Variants in ZFP64 observed in about 807,000 individuals in gnomAD.
ZFP64 encodes the protein ZFP64 zinc finger protein, also known as zinc finger protein 64.
Under a neutral mutation model 51.6 loss-of-function variants are expected in ZFP64, and 14 were observed. The observed-to-expected ratio is 0.27, with a 90% CI of 0.18 to 0.42. The LOEUF is 0.42. ZFP64 is among the 10% of genes least tolerant of loss of function. The pLI is 1.00. For missense variants in ZFP64, 754 were observed against 906.8 expected (o/e 0.83, Z 2.16); for synonymous variants, 375 against 361.4 (o/e 1.04, Z -0.43).
chr20:52,108,718 C>G (rs1251265165), intron 5 of ZFP64, among the ~76,000 whole-genome samples: 1 of 151,952 alleles, frequency 6.6e-6, no homozygotes, highest in Non-Finnish European at 1.5e-5. Context: ...CCATGTCGGC[C>G]AGGCTGGTCT....
At chr20:52,098,001 G>A (rs2079009203) in intron 6 of ZFP64, among the ~76,000 whole-genome samples, 1 of 152,008 alleles carries the variant, frequency 6.6e-6, no homozygotes. Flanking sequence ...CCAGTGAGTT[G>A]GAGGCTGCAG....
At chr20:52,147,771 T>C (rs1980595224), downstream of ZFP64, among the ~76,000 whole-genome samples, 2 of 152,058 alleles carry the variant, frequency 1.3e-5, no homozygotes, top group Admixed American at 1.3e-4. Context: ...TCCCAGCACT[T>C]TGGGAGGCCG....
chr20:52,099,499 C>T (rs746654654), intron 5 of ZFP64, among the ~76,000 whole-genome samples: 1 of 151,918 alleles, frequency 6.6e-6, no homozygotes, highest in African/African-American at 2.4e-5. Context: ...TTGAGGTGGT[C>T]GACAATATCG....
At chr20:52,171,156 A>C (rs1262959801) in intron 2 of ZFP64, among the ~76,000 whole-genome samples, 1 of 152,134 alleles carries the variant, frequency 6.6e-6, no homozygotes, top group Admixed American at 6.5e-5. Flanking sequence ...TCCTAGCTGG[A>C]TTTATCAAGG....
downstream of ZFP64, among the ~76,000 whole-genome samples, chr20:52,150,536 T>C (rs139732376): frequency 6.8e-6 from 1 of 146,908 alleles, no homozygotes; most frequent in African/African-American, 2.5e-5. Flanking sequence ...CTGCAAGCCT[T>C]TTCTGTTTCT....
rs1600786501 is a variant in ZFP64, at chr20:52,165,670, C to A, written c.448+194G>T. ...GCCTATGGCTAGAAAAGTCTTAGAACCCAGAGGCAGAATGACCACAGACAG... is the reference window on the plus strand; with the variant it reads ...GCCTATGGCTAGAAAAGTCTTAGAAACCAGAGGCAGAATGACCACAGACAG... On this transcript the variant is annotated intron_variant, in intron 3 of 5. Coordinates refer to ENST00000216923, the MANE Select transcript of ZFP64 (RefSeq NM_018197.3). 3 of 788,416 alleles carry A rather than the reference C, an allele frequency of 3.8e-6. No individual in the cohort carries two copies. In the South Asian group the frequency reaches 4.6e-5, roughly 12 times the overall value. 48.8% of individuals were successfully genotyped at this position (788,416 alleles called of 1,614,324 possible). A position where few individuals can be genotyped will look rare whatever the true frequency, so the allele number is the denominator to read the frequency against.
intron 4 of ZFP64, among the ~76,000 whole-genome samples, chr20:52,162,538 AATG>A (rs1229344775): frequency 6.6e-6 from 1 of 151,830 alleles, no homozygotes; most frequent in African/African-American, 2.4e-5. Flanking sequence ...GAGGCAGGAG[AATG>A]ATATGAACCC....
At chr20:52,111,018 G>A in intron 5 of ZFP64, 1 of 1,459,474 alleles carries the variant, frequency 6.9e-7, no homozygotes, top group South Asian at 1.2e-5. Context: ...CCAGGGGAAG[G>A]GCGCGCTTGG....
At chr20:52,124,192 T>TAAAAAAA (rs33931169) in intron 5 of ZFP64, among the ~76,000 whole-genome samples, 1 of 114,052 alleles carries the variant, frequency 8.8e-6, no homozygotes, top group Non-Finnish European at 1.8e-5. Flanking sequence ...TTGTTAAATG[T>TAAAAAAA]AAAAAAAAAA....
At chr20:52,110,634 A>G (rs1951777298) in intron 5 of ZFP64, 2 of 1,074,966 alleles carry the variant, frequency 1.9e-6, no homozygotes, top group Non-Finnish European at 2.7e-6. Context: ...ACTCCTGGCC[A>G]GGGTGTCCTA....
Position 52,085,401 on chromosome 20 carries a change from C to T in ZFP64, c.1229-135G>A. On this transcript the variant is annotated intron_variant, in intron 8 of 8. Coordinates refer to the ZFP64 transcript ENST00000361387. The surrounding 1 kb of genome is among the most constrained non-coding windows in gnomAD (Gnocchi z 4.3). ...TCTAAACCCAACCTCCTAATGACAA[C>T]ACTTGTTGTGCATATTAATGCAATC... 2 of 932,634 alleles carry T rather than the reference C, an allele frequency of 2.1e-6. No homozygotes were observed. Among genetic ancestry groups the T allele is most frequent in the Non-Finnish European group, 3.2e-6 (2 of 634,378 alleles). The allele number at this position is 932,634 out of a possible 1,614,324, so 57.8% of individuals were successfully genotyped here. A position where few individuals can be genotyped will look rare whatever the true frequency, so the allele number is the denominator to read the frequency against.
chr20:52,102,105 T>TC (rs1254109261), intron 5 of ZFP64, among the ~76,000 whole-genome samples: 4 of 50,692 alleles, frequency 7.9e-5, no homozygotes, highest in Non-Finnish European at 1.1e-4. Flanking sequence ...TAACTCCATC[T>TC]CCAAAAAAAA....
At position 52,160,326 on chromosome 20, in the gene ZFP64, T is replaced by C; in HGVS notation, c.560A>G (p.Lys187Arg). The C allele has an allele frequency of 6.2e-7, 1 of 1,614,246 alleles. No homozygotes were observed. The highest frequency in any genetic ancestry group is 8.5e-7 in the Non-Finnish European group (1 of 1,180,044). ...CEVCGKCFSR[K>R]DKLKTHMRCH... The stretch of plus-strand genomic sequence containing the variant: ...CCGCATGTGAGTTTTCAGCTTGTCT[T>C]TCCGGCTAAAGCACTTGCCACAGAC... The change falls in exon 5 of 6, where the codon AAA (lysine) becomes AGA (arginine). Residue 187 changes from lysine (K) to arginine (R), a missense_variant. Lys to Arg is a conservative substitution (Grantham distance 26, BLOSUM62 2). This residue lies in a region of ZFP64 where 231 missense variants were observed against 336.7 expected (regional missense o/e 0.69). Transcript: ENST00000216923. The surrounding 1 kb of genome is among the most constrained non-coding windows in gnomAD (Gnocchi z 4.2).
chr20:52,106,570 C>A (rs1005985553), intron 5 of ZFP64, among the ~76,000 whole-genome samples: 7 of 152,094 alleles, frequency 4.6e-5, no homozygotes, highest in South Asian at 2.1e-4. Flanking sequence ...CACGGCGGGG[C>A]CTGCGAGAAC....
At chr20:52,124,108 G>T (rs1025444931) in intron 5 of ZFP64, among the ~76,000 whole-genome samples, 1 of 150,902 alleles carries the variant, frequency 6.6e-6, no homozygotes, top group Non-Finnish European at 1.5e-5. Context: ...CTGACCTTGC[G>T]ATCCGCCTGC....
intron 5 of ZFP64, among the ~76,000 whole-genome samples, chr20:52,136,112 AAAAAAAAAGAAAAAACC>A (rs1979964525): frequency 6.7e-6 from 1 of 150,158 alleles, no homozygotes; most frequent in Non-Finnish European, 1.5e-5. Context: ...AAAAAAAAAA[AAAAAAAAAGAAAAAACC>A]AAAAAAAAGA....
intron 2 of ZFP64, among the ~76,000 whole-genome samples, chr20:52,170,917 T>C (rs1371511446): frequency 6.6e-6 from 1 of 152,044 alleles, no homozygotes; most frequent in Non-Finnish European, 1.5e-5. Flanking sequence ...GTGGTGTAAA[T>C]ATTACAGAGA....
intron 5 of ZFP64, among the ~76,000 whole-genome samples, chr20:52,106,078 C>T (rs964687350): frequency 6.6e-6 from 1 of 152,162 alleles, no homozygotes; most frequent in African/African-American, 2.4e-5. Flanking sequence ...ATAGCACGCG[C>T]CCGCTCCCGC....
In ZFP64 at chr20:52,160,288, C is replaced by G. The variant is rs781103623; in HGVS notation, c.598G>C (p.Val200Leu). The change falls in exon 5 of 6, where the codon GTG becomes CTG. Residue 200 changes from valine to leucine, a missense_variant. By Grantham distance (32) the Val-to-Leu change is conservative (BLOSUM62 1). Coordinates refer to ENST00000216923, the MANE Select transcript of ZFP64 (RefSeq NM_018197.3). This position sits in a 1 kb window ranked among gnomAD's most constrained non-coding sequence, Gnocchi z 4.2. ...CACGTCTTACACTTGTAGGGCTTCA[C>G]GCCCGTGTGGCACCGCATGTGAGTT... ...LKTHMRCHTG[V>L]KPYKCKTCDY... is the part of the protein sequence containing the mutation. 24 of 1,614,144 alleles carry G rather than the reference C, an allele frequency of 1.5e-5. No individual in the cohort carries two copies. The highest frequency in any genetic ancestry group is 3.3e-4 in the Middle Eastern group (2 of 6,084).
Sources: allele counts gnomAD v4.1 joint callset (sites outside exome capture counted in the v4.1 genomes callset), GRCh38; gene constraint gnomAD v4.1.1; regional missense constraint gnomAD v4.1.1; non-coding constraint Gnocchi (gnomAD v3.1); transcripts MANE v1.5; gene names NCBI Gene and HGNC (gene_info 2026-07-23, HGNC 2026-07-21).